Variants in TRIM67 observed in about 807,000 individuals in gnomAD.
The protein encoded by TRIM67 is tripartite motif containing 67, also known as tripartite motif-containing protein 67.
Under a neutral mutation model 71.0 loss-of-function variants are expected in TRIM67, and 39 were observed. That is an observed-to-expected ratio of 0.55 (90% CI 0.43 to 0.72). The LOEUF (loss-of-function observed/expected upper bound fraction) is 0.72. TRIM67 is among the 30% of genes least tolerant of loss of function. TRIM67 has a pLI of 0.00. For synonymous variants in TRIM67, 481 were observed against 473.9 expected, an observed-to-expected ratio of 1.01 and a Z score of -0.19; for missense variants, 973 against 1,079.2, an observed-to-expected ratio of 0.90 and a Z score of 1.38.
In TRIM67 at chr1:231,219,981, A is replaced by T. The variant is rs1384447625; in HGVS notation, c.*4541A>T. ...GGCTTTAATAGTGATTCATGGTATG[A>T]GTGGGGGCCAATCTCTTATCCTTTC... On this transcript the variant is annotated 3_prime_UTR_variant, in exon 10 of 10. Coordinates refer to ENST00000366653, the MANE Select transcript of TRIM67 (RefSeq NM_001004342.5). 1.6e-6 allele frequency: 2 copies of T among 1,286,598 alleles called. No homozygotes were observed. The highest frequency in any genetic ancestry group is 2.0e-6 in the Non-Finnish European group (2 of 985,994). 79.7% of individuals were successfully genotyped at this position (1,286,598 alleles called of 1,614,324 possible).
Position 231,209,627 on chromosome 1 carries a change from C to G in TRIM67, c.2123+377C>G, listed in dbSNP as rs931030649. ...AGGGTGTTAATGGGCACCACTGGGG[C>G]TGGTGTCCTCACAGCTGTGACCAGG... On this transcript the variant is annotated intron_variant, in intron 8 of 9. Transcript: ENST00000366653. The surrounding 1 kb of genome is among the most constrained non-coding windows in gnomAD (Gnocchi z 4.1). Among the ~76,000 whole-genome samples the G allele has an allele frequency of 6.6e-6, 1 of 152,220 alleles. No homozygotes were observed. The highest frequency in any genetic ancestry group is 1.5e-5 in the Non-Finnish European group (1 of 68,036).
chr1:231,186,222 A>G (rs1273582771), intron 1 of TRIM67: 1 of 1,442,284 alleles, frequency 6.9e-7, no homozygotes, highest in South Asian at 1.2e-5. Flanking sequence ...GGCCAGAAGG[A>G]GAGACAAGAG....
chr1:231,178,228 A>G (rs1682807169), intron 1 of TRIM67, among the ~76,000 whole-genome samples: 1 of 152,210 alleles, frequency 6.6e-6, no homozygotes, highest in Admixed American at 6.5e-5. Flanking sequence ...CACTGCTTCA[A>G]CTTTTGAGAG....
At chr1:231,215,265 A>G in intron 9 of TRIM67, 110 bp from the exon 10 acceptor site, 3 of 1,445,340 alleles carry the variant, frequency 2.1e-6, no homozygotes, top group South Asian at 3.0e-5. Context: ...TATTGCATGG[A>G]TGGCCCTGGA....
chr1:231,190,795 GC>G (rs1458224524), intron 1 of TRIM67, among the ~76,000 whole-genome samples: 1 of 152,160 alleles, frequency 6.6e-6, no homozygotes, highest in Non-Finnish European at 1.5e-5. Flanking sequence ...GGGAGGTCTG[GC>G]TGCCACTATT....
intron 1 of TRIM67, among the ~76,000 whole-genome samples, chr1:231,195,405 A>G (rs762390526): frequency 2.0e-5 from 3 of 152,152 alleles, no homozygotes; most frequent in Non-Finnish European, 4.4e-5. Context: ...TTCTGCCATC[A>G]CTGTATATTC....
intron 1 of TRIM67, among the ~76,000 whole-genome samples, chr1:231,173,759 T>A (rs1682670996): frequency 6.6e-6 from 1 of 152,198 alleles, no homozygotes. Context: ...GTGTGATGTT[T>A]CTTTTCTAAA....
rs1350348124 is a variant in TRIM67 at position 231,167,622 on chromosome 1, G to A, written c.1044+3609G>A. 7.5e-5 allele frequency among the ~76,000 whole-genome samples: 8 copies of A among 106,120 alleles called. 2 individuals carry two copies. Among genetic ancestry groups the A allele is most frequent in the African/African-American group, 3.0e-4 (5 of 16,678 alleles). The allele number at this position is 106,120 out of a possible 152,430, so 69.6% of individuals were successfully genotyped here. ...CAGGCGTGAGCCACCGCGCCCGGCC[G>A]TCTTTTTTTTTTTTAAGAGATAGGG... On this transcript the variant is annotated intron_variant, in intron 1 of 9. Coordinates refer to ENST00000366653, the MANE Select transcript of TRIM67 (RefSeq NM_001004342.5).
In TRIM67 at chr1:231,204,012, G is replaced by T; in HGVS notation, c.1680G>T (p.Arg560=). Residue 560 remains arginine, a splice_region_variant and synonymous_variant, in exon 6 of 10, where the codon CGG becomes CGT. Coordinates refer to ENST00000366653, the MANE Select transcript of TRIM67 (RefSeq NM_001004342.5). ...ELDDGAGGQF[R]EVYVGKETLC... is the part of the protein sequence containing the mutation. ...ACGACGGTGCCGGGGGACAGTTCCG[G>T]GTGAGGCCTTGCTGCTTATTTGGCG... 2 of 1,613,912 alleles carry T rather than the reference G, an allele frequency of 1.2e-6. No individual in the cohort carries two copies. The highest frequency in any genetic ancestry group is 1.7e-6 in the Non-Finnish European group (2 of 1,179,844).
chr1:231,166,421 T>C (rs1682466384), intron 1 of TRIM67, among the ~76,000 whole-genome samples: 1 of 152,244 alleles, frequency 6.6e-6, no homozygotes, highest in African/African-American at 2.4e-5. Flanking sequence ...GCTTTGTGGC[T>C]GGGCATCTAG....
intron 6 of TRIM67, 144 bp from the exon 7 acceptor site, chr1:231,206,508 G>A (rs984803013): frequency 1.4e-5 from 10 of 729,650 alleles, no homozygotes; most frequent in African/African-American, 9.2e-5. Context: ...GGACTCAAGC[G>A]ATGCTCCCAC....
Position 231,219,224 on chromosome 1 carries a change from C to G in TRIM67, c.*3784C>G. On this transcript the variant is annotated 3_prime_UTR_variant, in exon 10 of 10. Transcript: ENST00000366653. ...ACATTTTGCGATAGGTTCTGTATGC[C>G]GTAGGATGTTTAGCAACATCCCTGG... The G allele has an allele frequency of 3.0e-6, 3 of 984,130 alleles. No homozygotes were observed. Among genetic ancestry groups the G allele is most frequent in the Non-Finnish European group, 3.6e-6 (3 of 828,750 alleles). The allele number at this position is 984,130 out of a possible 1,614,324, so 61.0% of individuals were successfully genotyped here.
In TRIM67 at chr1:231,215,624, C is replaced by A; in HGVS notation, c.*184C>A. The stretch of plus-strand genomic sequence containing the variant: ...GCAGGGAATGGGTCCACGGGCCATG[C>A]TCACAGCTGCCACTGTCAGTGGCAA... On this transcript the variant is annotated 3_prime_UTR_variant, in exon 10 of 10. Coordinates refer to ENST00000366653, the MANE Select transcript of TRIM67 (RefSeq NM_001004342.5). 2.2e-6 allele frequency: 3 copies of A among 1,359,874 alleles called. No homozygotes were observed. The highest frequency in any genetic ancestry group is 2.8e-6 in the Non-Finnish European group (3 of 1,054,042). 84.2% of individuals were successfully genotyped at this position (1,359,874 alleles called of 1,614,324 possible).
rs199751689 is a variant in TRIM67 at position 231,211,032 on chromosome 1, AT to A, written c.2123+1783del. On this transcript the variant is annotated intron_variant, in intron 8 of 9. Transcript: ENST00000366653. Reference sequence around the variant, plus strand: ...CCCTCCTCTCTACCAAAAAAAAAAAATATATATATATATATATATTTTGTTT... The same window carrying A: ...CCCTCCTCTCTACCAAAAAAAAAAAAATATATATATATATATATTTTGTTT... Among the ~76,000 whole-genome samples the A allele has an allele frequency of 4.8e-3, 428 of 89,390 alleles. 2 individuals carry two copies. The highest frequency in any genetic ancestry group is 0.016 in the Middle Eastern group (3 of 184). The allele number at this position is 89,390 out of a possible 152,430, so 58.6% of individuals were successfully genotyped here.
intron 1 of TRIM67, among the ~76,000 whole-genome samples, chr1:231,188,383 G>A (rs565277334): frequency 9.0e-4 from 137 of 152,312 alleles, no homozygotes; most frequent in African/African-American, 3.1e-3. Context: ...GCTTGGGTCT[G>A]ATGAAACCAT....
intron 1 of TRIM67, among the ~76,000 whole-genome samples, chr1:231,196,193 G>A (rs913371565): frequency 6.6e-6 from 1 of 152,198 alleles, no homozygotes; most frequent in Non-Finnish European, 1.5e-5. Context: ...CACTGACACA[G>A]TGACGTCTGA....
chr1:231,191,608 T>C (rs879043172), intron 1 of TRIM67, among the ~76,000 whole-genome samples: 2 of 151,890 alleles, frequency 1.3e-5, no homozygotes, highest in Admixed American at 1.3e-4. Flanking sequence ...CCTCATCCAG[T>C]GTGACTAAAT....
chr1:231,203,518 C>T (rs565630931), intron 5 of TRIM67, among the ~76,000 whole-genome samples: 4 of 152,176 alleles, frequency 2.6e-5, no homozygotes, highest in Non-Finnish European at 5.9e-5. Flanking sequence ...ATGCGTTCCT[C>T]ATGAGTCTGA....
intron 9 of TRIM67, 50 bp from the exon 10 acceptor site, chr1:231,215,325 G>T (rs761004336): frequency 2.5e-6 from 4 of 1,593,888 alleles, no homozygotes; most frequent in Admixed American, 3.4e-5. Flanking sequence ...AGCCCTCAGG[G>T]TCCCTGCGGC....
Sources: allele counts gnomAD v4.1 joint callset (sites outside exome capture counted in the v4.1 genomes callset), GRCh38; gene constraint gnomAD v4.1.1; non-coding constraint Gnocchi (gnomAD v3.1); transcripts MANE v1.5; gene names NCBI Gene and HGNC (gene_info 2026-07-23, HGNC 2026-07-21).